PPP6R3: variants seen among roughly 807,000 people sequenced by gnomAD.
The protein encoded by PPP6R3 is protein phosphatase 6 regulatory subunit 3.
A neutral mutation model predicts 110.7 loss-of-function variants in PPP6R3; 38 were observed. The observed-to-expected ratio is 0.34, with a 90% CI of 0.26 to 0.45. The LOEUF is 0.45. PPP6R3 is among the 20% of genes least tolerant of loss of function. PPP6R3 has a pLI of 1.00. For synonymous variants in PPP6R3, 369 were observed against 373.5 expected (o/e 0.99, Z 0.14); for missense variants, 870 against 1,062.4 (o/e 0.82, Z 2.52).
At chr11:68,538,815 T>C (rs2099288412) in intron 3 of PPP6R3, among the ~76,000 whole-genome samples, 1 of 152,218 alleles carries the variant, frequency 6.6e-6, no homozygotes, top group African/African-American at 2.4e-5. Flanking sequence ...CAGAGATTAG[T>C]GTCTTAATAA....
At chr11:68,576,083 C>T (rs2099530222) in intron 14 of PPP6R3, 40 bp downstream of exon 14, 1 of 1,416,058 alleles carries the variant, frequency 7.1e-7, no homozygotes, top group Non-Finnish European at 9.8e-7. Context: ...TTTCAGTGCT[C>T]TTAGCCTTTG....
At chr11:68,540,441 G>A (rs1331250752) in intron 3 of PPP6R3, among the ~76,000 whole-genome samples, 1 of 152,162 alleles carries the variant, frequency 6.6e-6, no homozygotes, top group Non-Finnish European at 1.5e-5. Flanking sequence ...ACTTAACAGG[G>A]TAATAGAATA....
intron 1 of PPP6R3, among the ~76,000 whole-genome samples, chr11:68,499,825 G>A (rs1043299360): frequency 3.3e-5 from 5 of 151,984 alleles, no homozygotes; most frequent in Non-Finnish European, 7.4e-5. Flanking sequence ...CTCCCACCTC[G>A]GCCCTCCAAA....
chr11:68,513,982 C>G (rs1259075548), intron 1 of PPP6R3, among the ~76,000 whole-genome samples: 1 of 152,130 alleles, frequency 6.6e-6, no homozygotes, highest in African/African-American at 2.4e-5. Flanking sequence ...TAGATCTCAT[C>G]AAAAGACATA....
chr11:68,470,223 C>T (rs1051533032), intron 1 of PPP6R3, among the ~76,000 whole-genome samples: 1 of 152,030 alleles, frequency 6.6e-6, no homozygotes. Context: ...GAAAAGTAAA[C>T]CAGGAGAGGT....
intron 17 of PPP6R3, 33 bp from the exon 18 acceptor site, chr11:68,591,538 ATTTAT>A: frequency 1.3e-6 from 2 of 1,537,352 alleles, no homozygotes; most frequent in Non-Finnish European, 1.8e-6. Flanking sequence ...TTGACTTTAA[ATTTAT>A]TTTGTTGTTT....
At chr11:68,594,003 TAATG>T (rs2099603610) in intron 18 of PPP6R3, among the ~76,000 whole-genome samples, 1 of 152,088 alleles carries the variant, frequency 6.6e-6, no homozygotes, top group Non-Finnish European at 1.5e-5. Flanking sequence ...GAGGCCTAAT[TAATG>T]CTGCCTATGG....
At chr11:68,600,039 G>A (rs563964696) in intron 19 of PPP6R3, among the ~76,000 whole-genome samples, 3 of 152,262 alleles carry the variant, frequency 2.0e-5, no homozygotes, top group African/African-American at 7.2e-5. Flanking sequence ...GGAGAATGGC[G>A]TGAACCCGGG....
rs558968802 is a variant in PPP6R3, at chr11:68,517,405, C to T, written c.-157-2096C>T. Among the ~76,000 whole-genome samples, 29 of 152,286 alleles carry T rather than the reference C, an allele frequency of 1.9e-4. No homozygotes were observed. The South Asian group carries it at 5.8e-3, about 31-fold the overall frequency. The stretch of plus-strand genomic sequence containing the variant: ...ACAGAGGAAGTGACAGCCTCAGTAT[C>T]TATGAACGTACTTTGCTCTAAGACC... On this transcript the variant is annotated intron_variant, in intron 1 of 23. Transcript: ENST00000393800.
At chr11:68,541,402 A>G (rs1178297674) in intron 3 of PPP6R3, among the ~76,000 whole-genome samples, 1 of 152,234 alleles carries the variant, frequency 6.6e-6, no homozygotes, top group Non-Finnish European at 1.5e-5. Context: ...TCAGATTTCC[A>G]GAGGCACTAG....
chr11:68,478,659 T>TTTTTTTTTTTTTTG lies in PPP6R3; in HGVS notation c.-158+17833_-158+17846dup. On this transcript the variant is annotated intron_variant, in intron 1 of 23. Transcript: ENST00000393800. ...GTGCACTTGGTAAGTTTTTTTTTTT[T>TTTTTTTTTTTTTTG]TTTTTTTTTTTTTGAGAAGATGGAG... 1.6e-5 allele frequency among the ~76,000 whole-genome samples: 2 copies of TTTTTTTTTTTTTTG among 122,336 alleles called. 1 individual carries two copies. Among genetic ancestry groups the TTTTTTTTTTTTTTG allele is most frequent in the Non-Finnish European group, 3.4e-5 (2 of 59,194 alleles). 80.3% of individuals were successfully genotyped at this position (122,336 alleles called of 152,430 possible). A position where few individuals can be genotyped will look rare whatever the true frequency, so the allele number is the denominator to read the frequency against.
At chr11:68,542,164 T>C (rs1450552125) in intron 3 of PPP6R3, among the ~76,000 whole-genome samples, 1 of 149,838 alleles carries the variant, frequency 6.7e-6, no homozygotes, top group African/African-American at 2.5e-5. Flanking sequence ...GGTGGGGGCA[T>C]GTGGTCCAGA....
chr11:68,524,662 G>T (rs999590292), intron 2 of PPP6R3, among the ~76,000 whole-genome samples: 1 of 151,952 alleles, frequency 6.6e-6, no homozygotes, highest in Non-Finnish European at 1.5e-5. Context: ...TTCAGTTTTT[G>T]TCTGAAAAGG....
chr11:68,596,025 C>G (rs2099612954), intron 18 of PPP6R3, 72 bp from the exon 19 acceptor site: 3 of 1,579,470 alleles, frequency 1.9e-6, no homozygotes, highest in Non-Finnish European at 2.6e-6. Flanking sequence ...TGCTGGATGA[C>G]TGTTAGAATT....
intron 7 of PPP6R3, among the ~76,000 whole-genome samples, chr11:68,556,781 A>G (rs1200651598): frequency 6.6e-6 from 1 of 152,172 alleles, no homozygotes; most frequent in Non-Finnish European, 1.5e-5. Context: ...CCTTTGGTTT[A>G]TTATTTCTTC....
intron 2 of PPP6R3, among the ~76,000 whole-genome samples, chr11:68,530,062 A>G (rs1451160278): frequency 6.6e-6 from 1 of 152,268 alleles, no homozygotes; most frequent in Non-Finnish European, 1.5e-5. Context: ...CAAAAGAAAT[A>G]ATATAGCCCT....
At chr11:68,527,516 C>A (rs561802727) in intron 2 of PPP6R3, among the ~76,000 whole-genome samples, 1 of 152,214 alleles carries the variant, frequency 6.6e-6, no homozygotes, top group Non-Finnish European at 1.5e-5. Flanking sequence ...TTGTCCTCTT[C>A]CCTCTGTCCT....
At chr11:68,611,697 A>G (rs1943494770) in intron 23 of PPP6R3, among the ~76,000 whole-genome samples, 1 of 152,146 alleles carries the variant, frequency 6.6e-6, no homozygotes, top group Admixed American at 6.5e-5. Context: ...GCCACGAAGA[A>G]GGGACAGGGG....
At chr11:68,533,872 T>A (rs752611674) in intron 2 of PPP6R3, among the ~76,000 whole-genome samples, 12 of 152,174 alleles carry the variant, frequency 7.9e-5, no homozygotes, top group Non-Finnish European at 8.8e-5. Flanking sequence ...GCCACGCTGC[T>A]GGAGCACACG....
Sources: allele counts gnomAD v4.1 joint callset (sites outside exome capture counted in the v4.1 genomes callset), GRCh38; gene constraint gnomAD v4.1.1; transcripts MANE v1.5; gene names NCBI Gene and HGNC (gene_info 2026-07-23, HGNC 2026-07-21).